Variants in DNAJA4 observed in about 807,000 individuals in gnomAD.
DNAJA4 encodes DnaJ heat shock protein family (Hsp40) member A4, also known as dnaJ homolog subfamily A member 4.
In DNAJA4, 32 loss-of-function variants were observed where a neutral mutation model predicts 39.7. That is an observed-to-expected ratio of 0.81 (90% CI 0.61 to 1.08). DNAJA4 has a LOEUF of 1.08. DNAJA4 is among the 50% of genes least tolerant of loss of function. The pLI is 0.00. For synonymous variants in DNAJA4, 184 were observed against 182.4 expected (o/e 1.01, Z -0.07); for missense variants, 439 against 505.1 (o/e 0.87, Z 1.25).
At chr15:78,265,853 A>T (rs536913477) in intron 1 of DNAJA4, 111 of 606,576 alleles carry the variant, frequency 1.8e-4, no homozygotes, top group African/African-American at 1.7e-3. Context: ...AACCACACCA[A>T]TCACCCATGT....
At chr15:78,277,838 A>G (rs903410176) in intron 5 of DNAJA4, 1 of 351,748 alleles carries the variant, frequency 2.8e-6, no homozygotes, top group Non-Finnish European at 5.5e-6. Context: ...CAAGAAATCC[A>G]TTTCCTTCTT....
upstream of DNAJA4, chr15:78,264,188 A>C: frequency 1.6e-6 from 1 of 620,960 alleles, no homozygotes; most frequent in Non-Finnish European, 2.4e-6. Flanking sequence ...ACAGCCCTCC[A>C]GGCCGCCTAC....
At chr15:78,266,218 A>T in intron 1 of DNAJA4, 1 of 1,613,726 alleles carries the variant, frequency 6.2e-7, no homozygotes, top group Non-Finnish European at 8.5e-7. Context: ...TTCTAATTTC[A>T]CATTTCAGCA....
At chr15:78,266,145 A>G in intron 1 of DNAJA4, 1 of 1,345,622 alleles carries the variant, frequency 7.4e-7, no homozygotes, top group Non-Finnish European at 1.0e-6. Flanking sequence ...TGATTCATCC[A>G]CCTGCTCCCT....
In DNAJA4 at chr15:78,275,578, G is replaced by T; in HGVS notation, c.727G>T (p.Val243Leu). The change falls in exon 5 of 7, where the codon GTG becomes TTG. Residue 243 changes from valine (V) to leucine (L), a missense_variant. Physicochemically the swap from Val to Leu is conservative, Grantham distance 32 (BLOSUM62 1). Coordinates refer to ENST00000394852, the MANE Select transcript of DNAJA4 (RefSeq NM_001130182.2). The part of the protein sequence containing the change: ...PELEPGDVII[V>L]LDQKDHSVFQ... ...GCTGGAGCCTGGTGATGTCATAATT[G>T]TGCTTGATCAGAAGGATCATAGTGT... 1.2e-6 allele frequency: 2 copies of T among 1,614,212 alleles called. No homozygotes were observed. Among genetic ancestry groups the T allele is most frequent in the Non-Finnish European group, 1.7e-6 (2 of 1,180,030 alleles).
intron 5 of DNAJA4, among the ~76,000 whole-genome samples, chr15:78,278,745 G>A (rs912761877): frequency 2.6e-5 from 4 of 151,738 alleles, no homozygotes; most frequent in Admixed American, 1.3e-4. Context: ...TCTGCTTCCC[G>A]GGTTCACGCC....
rs1023913434 is a variant in DNAJA4 at position 78,279,564 on chromosome 15, AC to A, written c.878-479del. On this transcript the variant is annotated intron_variant, in intron 5 of 6. Coordinates refer to ENST00000394852, the MANE Select transcript of DNAJA4 (RefSeq NM_001130182.2). The surrounding 1 kb of genome is among the most constrained non-coding windows in gnomAD (Gnocchi z 4.5). Reference sequence around the variant, plus strand: ...CACCTAGTGAGCTCCCTACCAAGGAACCTGGGTGTCACCTGCAGGTGGCCAA... The same window carrying A: ...CACCTAGTGAGCTCCCTACCAAGGAACTGGGTGTCACCTGCAGGTGGCCAA... The A allele has an allele frequency of 2.9e-4, 47 of 164,642 alleles. 1 individual carries two copies. Among genetic ancestry groups the A allele is most frequent in the Middle Eastern group, 3.2e-3 (1 of 310 alleles). The allele number at this position is 164,642 out of a possible 1,614,324, so 10.2% of individuals were successfully genotyped here. A position where few individuals can be genotyped will look rare whatever the true frequency, so the allele number is the denominator to read the frequency against.
chr15:78,278,522 G>A (rs542921378), intron 5 of DNAJA4, among the ~76,000 whole-genome samples: 44 of 152,308 alleles, frequency 2.9e-4, no homozygotes, highest in Non-Finnish European at 7.4e-5. Flanking sequence ...TGAATACTGT[G>A]GGCAGTTGTA....
chr15:78,280,410 G>A lies in DNAJA4; in HGVS notation c.1144G>A (p.Glu382Lys), dbSNP rs774724296. ...CTGGCGTCAGCACAGGGAGGCCTAC[G>A]AGGAGGACGAAGACGGGCCCCAGGC... ...QNWRQHREAYEEDEDGPQAGV... is the reference protein window; with the variant it reads ...QNWRQHREAYKEDEDGPQAGV... Residue 382 changes from glutamate to lysine, a missense_variant, in exon 7 of 7, where the codon GAG becomes AAG. By Grantham distance (56) the Glu-to-Lys change is moderately conservative. Coordinates refer to ENST00000394852, the MANE Select transcript of DNAJA4 (RefSeq NM_001130182.2). The A allele has an allele frequency of 1.9e-5, 31 of 1,613,746 alleles. No individual in the cohort carries two copies. In the South Asian group the frequency reaches 2.5e-4, roughly 13 times the overall value.
chr15:78,275,798 G>T, intron 5 of DNAJA4, 70 bp downstream of exon 5: 2 of 1,096,530 alleles, frequency 1.8e-6, no homozygotes. Context: ...AAGTTAGCCT[G>T]ATTTTTTTAT....
At chr15:78,269,294 C>T (rs1393139451) in intron 1 of DNAJA4, among the ~76,000 whole-genome samples, 1 of 152,124 alleles carries the variant, frequency 6.6e-6, no homozygotes, top group African/African-American at 2.4e-5. Flanking sequence ...ACGGAGGAGG[C>T]CACTGCAGTG....
intron 3 of DNAJA4, 68 bp downstream of exon 3, chr15:78,273,267 A>G (rs1363882319): frequency 8.1e-6 from 8 of 984,274 alleles, no homozygotes; most frequent in South Asian, 4.1e-5. Flanking sequence ...TGCTTGTTTT[A>G]TAGTTCAGGG....
upstream of DNAJA4, chr15:78,264,392 A>C: frequency 7.1e-7 from 1 of 1,415,882 alleles, no homozygotes; most frequent in South Asian, 1.4e-5. Context: ...CGAGAAGCCC[A>C]GGTGAGCGGC....
intron 4 of DNAJA4, chr15:78,274,670 G>A: frequency 1.9e-6 from 1 of 526,842 alleles, no homozygotes; most frequent in Non-Finnish European, 3.4e-6. Context: ...CTCTTTATGA[G>A]GTTTTCTAAC....
chr15:78,264,992 T>C (rs2049081213), intron 1 of DNAJA4, 97 bp downstream of exon 1: 8 of 1,342,110 alleles, frequency 6.0e-6, no homozygotes, highest in Middle Eastern at 2.4e-4. Flanking sequence ...GCCGCGTTTG[T>C]TGGGGAGGCT....
upstream of DNAJA4, chr15:78,264,376 G>A (rs747520438): frequency 1.4e-5 from 20 of 1,442,742 alleles, no homozygotes; most frequent in South Asian, 1.1e-4. Flanking sequence ...CAAAGGAGCA[G>A]ACGCCCGAGA....
intron 5 of DNAJA4, among the ~76,000 whole-genome samples, chr15:78,276,396 G>C (rs1042227343): frequency 6.6e-6 from 1 of 152,220 alleles, no homozygotes; most frequent in Non-Finnish European, 1.5e-5. Flanking sequence ...TAGGCCGAAA[G>C]GGTTCCTGAG....
At chr15:78,265,808 G>A (rs1348429336) in intron 1 of DNAJA4, 1 of 624,570 alleles carries the variant, frequency 1.6e-6, no homozygotes, top group African/African-American at 1.8e-5. Flanking sequence ...GGCCGTTATA[G>A]TAGCTGATAG....
intron 1 of DNAJA4, among the ~76,000 whole-genome samples, chr15:78,267,141 AGT>A (rs56890900): frequency 0.072 from 3,041 of 41,974 alleles, 107 homozygotes; most frequent in African/African-American, 0.18. Flanking sequence ...TGTGTATGTG[AGT>A]GTGTGTGTGA....
Sources: gnomAD v4.1 joint callset for allele counts (sites outside exome capture counted in the v4.1 genomes callset) on GRCh38, gnomAD v4.1.1 for gene constraint, Gnocchi (gnomAD v3.1) non-coding constraint, MANE v1.5 for transcripts, NCBI Gene and HGNC (gene_info 2026-07-23, HGNC 2026-07-21) for gene names.